The following MYL3 variants were observed in gnomAD, a reference collection of about 807,000 sequenced individuals.
MYL3 encodes the protein myosin light chain 3, also known as CMLC1.
A neutral mutation model predicts 21.3 loss-of-function variants in MYL3; 11 were observed. The observed-to-expected ratio is 0.52, with a 90% CI of 0.32 to 0.85. The LOEUF is 0.85. Among genes scored for constraint, MYL3 ranks in the 40% least tolerant of loss-of-function variants. MYL3 has a pLI of 0.03. For missense variants in MYL3, 206 were observed against 253.3 expected (o/e 0.81, Z 1.27); for synonymous variants, 88 against 91.6 (o/e 0.96, Z 0.22).
rs1171742143 is a variant in MYL3 at position 46,859,688 on chromosome 3, G to T, written c.308-40C>A. On this transcript the variant is annotated intron_variant, in intron 3 of 6. Coordinates refer to ENST00000292327, the MANE Select transcript of MYL3 (RefSeq NM_000258.3). The surrounding 1 kb of genome is among the most constrained non-coding windows in gnomAD (Gnocchi z 4.1). ...TCCCAGGTTCCAGGGTCTAAGGCTGGGGTGGGCACACCCCTCCCCCATGCC... is the reference window on the plus strand; with the variant it reads ...TCCCAGGTTCCAGGGTCTAAGGCTGTGGTGGGCACACCCCTCCCCCATGCC... 19 of 1,611,946 alleles carry T rather than the reference G, an allele frequency of 1.2e-5. No homozygotes were observed. The highest frequency in any genetic ancestry group is 1.5e-5 in the Non-Finnish European group (18 of 1,178,202).
Position 46,861,445 on chromosome 3 carries a change from C to T in MYL3, c.130-458G>A, listed in dbSNP as rs569398881. Among the ~76,000 whole-genome samples, 3 of 152,142 alleles carry T rather than the reference C, an allele frequency of 2.0e-5. No individual in the cohort carries two copies. Among genetic ancestry groups the T allele is most frequent in the East Asian group, 1.9e-4 (1 of 5,188 alleles). ...AAGGAGTAAGGGCAATGGTACAGGC[C>T]GAGGGCTGGTGGCTGGAAGCATCGA... On this transcript the variant is annotated intron_variant, in intron 1 of 6. Coordinates refer to ENST00000292327, the MANE Select transcript of MYL3 (RefSeq NM_000258.3). This position sits in a 1 kb window ranked among gnomAD's most constrained non-coding sequence, Gnocchi z 4.2.
In MYL3 at chr3:46,860,359, C is replaced by T. The variant is rs1701977873; in HGVS notation, c.307+317G>A. 6.6e-6 allele frequency among the ~76,000 whole-genome samples: 1 copy of T among 152,156 alleles called. No homozygotes were observed. Among genetic ancestry groups the T allele is most frequent in the South Asian group, 2.1e-4 (1 of 4,830 alleles). On this transcript the variant is annotated intron_variant, in intron 3 of 6. Transcript: ENST00000292327. This position sits in a 1 kb window ranked among gnomAD's most constrained non-coding sequence, Gnocchi z 4.6. ...CCCAGGCTGGTCTCACTCCTGGCCTCAAGTGATCCTCCCAAAGCATTGGGA... is the reference window on the plus strand; with the variant it reads ...CCCAGGCTGGTCTCACTCCTGGCCTTAAGTGATCCTCCCAAAGCATTGGGA...
At chr3:46,876,171 A>T (rs563639943) in intron 1 of MYL3, among the ~76,000 whole-genome samples, 1 of 152,360 alleles carries the variant, frequency 6.6e-6, no homozygotes, top group East Asian at 1.9e-4. Context: ...CAGGAAACTG[A>T]GGCCATGAGC....
At chr3:46,866,838 A>ACCC (rs1559521583), upstream of MYL3, among the ~76,000 whole-genome samples, 2 of 151,874 alleles carry the variant, frequency 1.3e-5, no homozygotes, top group African/African-American at 4.8e-5. Context: ...CCCCATGCCC[A>ACCC]CCCCAATTCA....
At chr3:46,865,464 TG>T (rs1464788332), upstream of MYL3, among the ~76,000 whole-genome samples, 1 of 152,136 alleles carries the variant, frequency 6.6e-6, no homozygotes, top group Non-Finnish European at 1.5e-5. The surrounding 1 kb of genome is among the most constrained non-coding windows in gnomAD (Gnocchi z 4.3). Context: ...CAACGGGCTC[TG>T]GAAGTCACAC....
At position 46,863,412 on chromosome 3, in the gene MYL3, G is replaced by A. The variant is rs930456463; in HGVS notation, c.-22C>T. 10 of 1,612,334 alleles carry A rather than the reference G, an allele frequency of 6.2e-6. No homozygotes were observed. Among genetic ancestry groups the A allele is most frequent in the African/African-American group, 1.3e-5 (1 of 74,918 alleles). On this transcript the variant is annotated 5_prime_UTR_variant, in exon 1 of 7. Transcript: ENST00000292327. ...CCATTGGGGGCTGTAAGTACAGAGA[G>A]GGATGTGGAGAGAAGAATGCAGAAA...
chr3:46,863,000 A>G (rs576557373), intron 1 of MYL3, among the ~76,000 whole-genome samples: 1 of 152,360 alleles, frequency 6.6e-6, no homozygotes, highest in Non-Finnish European at 1.5e-5. Flanking sequence ...CTAAAAAGAC[A>G]GTCCAGACTC....
rs759244563 is a variant in MYL3 at position 46,874,589 on chromosome 3, G to A, written c.-218+7485C>T. Among the ~76,000 whole-genome samples the A allele has an allele frequency of 5.9e-5, 9 of 152,144 alleles. No homozygotes were observed. Among genetic ancestry groups the A allele is most frequent in the South Asian group, 2.1e-4 (1 of 4,826 alleles). On this transcript the variant is annotated intron_variant, in intron 1 of 3. Coordinates refer to the MYL3 transcript ENST00000431168. This position sits in a 1 kb window ranked among gnomAD's most constrained non-coding sequence, Gnocchi z 4.1. Reference sequence around the variant, plus strand: ...CTCTGGAACGCGTGCCCGGGACCTCGGTGATATTTTGAGTTTAAGAAAACT... The same window carrying A: ...CTCTGGAACGCGTGCCCGGGACCTCAGTGATATTTTGAGTTTAAGAAAACT...
At position 46,860,934 on chromosome 3, in the gene MYL3, C is replaced by T; in HGVS notation, c.157+26G>A. 1 of 1,614,128 alleles carries T rather than the reference C, an allele frequency of 6.2e-7. No homozygotes were observed. Among genetic ancestry groups the T allele is most frequent in the Non-Finnish European group, 8.5e-7 (1 of 1,180,006 alleles). On this transcript the variant is annotated intron_variant, in intron 2 of 6. Coordinates refer to ENST00000292327, the MANE Select transcript of MYL3 (RefSeq NM_000258.3). This position sits in a 1 kb window ranked among gnomAD's most constrained non-coding sequence, Gnocchi z 4.6. ...AGGGAACCCCAGCCCAATCCTGCAACCCCTGGGTTCAAGACCCCTGCTCAC... is the reference window on the plus strand; with the variant it reads ...AGGGAACCCCAGCCCAATCCTGCAATCCCTGGGTTCAAGACCCCTGCTCAC...
intron 1 of MYL3, 131 bp downstream of exon 1, chr3:46,863,131 A>ACCT: frequency 7.3e-6 from 10 of 1,374,460 alleles, no homozygotes; most frequent in Non-Finnish European, 1.0e-5. Context: ...GGCTTGTCTG[A>ACCT]CCTCTGCACA....
intron 4 of MYL3, among the ~76,000 whole-genome samples, chr3:46,858,946 C>T (rs934534810): frequency 6.6e-6 from 1 of 152,150 alleles, no homozygotes; most frequent in South Asian, 2.1e-4. Context: ...GACACACATG[C>T]ACACACAGAG....
Position 46,874,560 on chromosome 3 carries a change from C to T in MYL3, c.-218+7514G>A, listed in dbSNP as rs566190825. On this transcript the variant is annotated intron_variant, in intron 1 of 3. Transcript: ENST00000431168. This position sits in a 1 kb window ranked among gnomAD's most constrained non-coding sequence, Gnocchi z 4.1. ...CTCCCTTCAAACCGCAGGGCCCAGCCGGCCTCTGGAACGCGTGCCCGGGAC... is the reference window on the plus strand; with the variant it reads ...CTCCCTTCAAACCGCAGGGCCCAGCTGGCCTCTGGAACGCGTGCCCGGGAC... Among the ~76,000 whole-genome samples the T allele has an allele frequency of 6.6e-6, 1 of 152,196 alleles. No individual in the cohort carries two copies. The highest frequency in any genetic ancestry group is 1.5e-5 in the Non-Finnish European group (1 of 68,038).
intron 4 of MYL3, among the ~76,000 whole-genome samples, chr3:46,858,959 AGAGAG>A (rs1262415368): frequency 6.6e-6 from 1 of 151,966 alleles, no homozygotes; most frequent in Non-Finnish European, 1.5e-5. Flanking sequence ...ACACAGAGAG[AGAGAG>A]GAGAGAGAGA....
At chr3:46,865,829 CAGGG>C (rs1451609745), upstream of MYL3, among the ~76,000 whole-genome samples, 4 of 152,164 alleles carry the variant, frequency 2.6e-5, no homozygotes, top group Non-Finnish European at 5.9e-5. This position sits in a 1 kb window ranked among gnomAD's most constrained non-coding sequence, Gnocchi z 4.3. Context: ...GGTCCTGCAG[CAGGG>C]ACAGGGTGCA....
At chr3:46,880,551 T>A (rs1023398475) in intron 1 of MYL3, among the ~76,000 whole-genome samples, 1 of 151,948 alleles carries the variant, frequency 6.6e-6, no homozygotes, top group African/African-American at 2.4e-5. Context: ...ACCAGCCTGG[T>A]CAACATGGTG....
Position 46,860,947 on chromosome 3 carries a change from G to C in MYL3, c.157+13C>G. 3 of 1,614,120 alleles carry C rather than the reference G, an allele frequency of 1.9e-6. No individual in the cohort carries two copies. The highest frequency in any genetic ancestry group is 2.5e-6 in the Non-Finnish European group (3 of 1,180,002). ...CCAATCCTGCAACCCCTGGGTTCAAGACCCCTGCTCACCTTCAATCTGCTC... is the reference window on the plus strand; with the variant it reads ...CCAATCCTGCAACCCCTGGGTTCAACACCCCTGCTCACCTTCAATCTGCTC... On this transcript the variant is annotated intron_variant, in intron 2 of 6. Coordinates refer to ENST00000292327, the MANE Select transcript of MYL3 (RefSeq NM_000258.3). This position sits in a 1 kb window ranked among gnomAD's most constrained non-coding sequence, Gnocchi z 4.6.
upstream of MYL3, among the ~76,000 whole-genome samples, chr3:46,863,916 T>A (rs1450985516): frequency 6.6e-6 from 1 of 151,952 alleles, no homozygotes; most frequent in Non-Finnish European, 1.5e-5. Flanking sequence ...CGTGTCCATG[T>A]GGGGGAAGGC....
At chr3:46,878,176 C>A (rs2030344305) in intron 1 of MYL3, among the ~76,000 whole-genome samples, 1 of 152,212 alleles carries the variant, frequency 6.6e-6, no homozygotes, top group South Asian at 2.1e-4. Flanking sequence ...GCTTCTGCTG[C>A]AAGGGAAGGG....
intron 1 of MYL3, among the ~76,000 whole-genome samples, chr3:46,869,531 GT>G (rs1384404535): frequency 6.6e-6 from 1 of 152,236 alleles, no homozygotes; most frequent in East Asian, 1.9e-4. Context: ...GCCACACGAG[GT>G]GTGAACATGT....
Sources: allele counts gnomAD v4.1 joint callset (sites outside exome capture counted in the v4.1 genomes callset), GRCh38; gene constraint gnomAD v4.1.1; non-coding constraint Gnocchi (gnomAD v3.1); transcripts MANE v1.5; gene names NCBI Gene and HGNC (gene_info 2026-07-23, HGNC 2026-07-21).